FMN1: variants seen among roughly 807,000 people sequenced by gnomAD.
FMN1 encodes the protein formin 1.
FMN1 carries 110 observed loss-of-function variants against 132.4 expected under a neutral mutation model. The ratio of observed to expected loss-of-function variants is 0.83; its 90% confidence interval spans 0.71 to 0.97. The LOEUF (loss-of-function observed/expected upper bound fraction) is 0.97. Ranked by LOEUF, FMN1 falls within the 50% of genes least tolerant of loss-of-function variation. The probability of loss-of-function intolerance (pLI) is 0.00; values close to 1 mark genes in which losing one functional copy is unlikely to be tolerated. For missense variants in FMN1, 1,792 were observed against 1,705.3 expected (o/e 1.05, Z -0.90); for synonymous variants, 722 against 651.7 (o/e 1.11, Z -1.64).
intron 7 of FMN1, among the ~76,000 whole-genome samples, chr15:32,983,393 T>C (rs2032833665): frequency 1.3e-5 from 2 of 152,184 alleles, no homozygotes; most frequent in South Asian, 4.1e-4. Flanking sequence ...CACAGGGAAA[T>C]TGTTTACGGT....
intron 3 of FMN1, among the ~76,000 whole-genome samples, chr15:33,165,477 G>A (rs1398574166): frequency 2.0e-5 from 3 of 152,222 alleles, no homozygotes; most frequent in South Asian, 2.1e-4. Flanking sequence ...TGCAAGCTCC[G>A]CCTCCCGGGT....
intron 10 of FMN1, among the ~76,000 whole-genome samples, chr15:32,920,644 C>A (rs1319638591): frequency 6.6e-6 from 1 of 152,190 alleles, no homozygotes; most frequent in Non-Finnish European, 1.5e-5. Context: ...ACACTCAAAT[C>A]ATCCAAAACA....
chr15:32,889,372 CCT>C (rs1296795308), intron 15 of FMN1, among the ~76,000 whole-genome samples: 1 of 152,102 alleles, frequency 6.6e-6, no homozygotes, highest in African/African-American at 2.4e-5. Flanking sequence ...TTCAATTATT[CCT>C]CTCTCTGCAC....
chr15:32,938,721 C>A (rs2061335285), intron 9 of FMN1, among the ~76,000 whole-genome samples: 1 of 152,160 alleles, frequency 6.6e-6, no homozygotes, highest in African/African-American at 2.4e-5. Flanking sequence ...TATTTGAGAG[C>A]AACTGTTTTT....
intron 10 of FMN1, among the ~76,000 whole-genome samples, chr15:32,925,196 T>G (rs1596286201): frequency 6.6e-6 from 1 of 152,082 alleles, no homozygotes; most frequent in African/African-American, 2.4e-5. Context: ...AAGGAAAGTA[T>G]TCCTCCCTAG....
intron 5 of FMN1, chr15:33,067,310 A>C: frequency 6.2e-7 from 1 of 1,613,934 alleles, no homozygotes; most frequent in Non-Finnish European, 8.5e-7. Context: ...TTCCCCAGTG[A>C]CAGTATTTTC....
At chr15:32,995,114 G>C (rs1367381216) in intron 7 of FMN1, among the ~76,000 whole-genome samples, 1 of 150,962 alleles carries the variant, frequency 6.6e-6, no homozygotes, top group African/African-American at 2.5e-5. Flanking sequence ...ATATATATAT[G>C]TATATATGCA....
At chr15:32,831,259 A>G (rs2058494145) in intron 17 of FMN1, among the ~76,000 whole-genome samples, 1 of 152,006 alleles carries the variant, frequency 6.6e-6, no homozygotes, top group Admixed American at 6.6e-5. Context: ...CGCTGTGTCA[A>G]CCAGGCTGGA....
intron 19 of FMN1, among the ~76,000 whole-genome samples, chr15:32,797,032 C>A (rs1322515080): frequency 2.0e-5 from 3 of 152,094 alleles, no homozygotes; most frequent in Admixed American, 1.3e-4. Flanking sequence ...GTGAAGCAGG[C>A]AATTCAACAG....
At chr15:32,970,212 T>C (rs931826072) in intron 7 of FMN1, among the ~76,000 whole-genome samples, 1 of 152,230 alleles carries the variant, frequency 6.6e-6, no homozygotes, top group Non-Finnish European at 1.5e-5. Context: ...AGTCTGTAAT[T>C]GTACACTTAT....
At position 32,798,770 on chromosome 15, in the gene FMN1, G is replaced by T. The variant is rs759166787; in HGVS notation, c.4130+34C>A. The T allele has an allele frequency of 1.2e-5, 19 of 1,578,472 alleles. No individual in the cohort carries two copies. The South Asian group carries it at 2.0e-4, about 16-fold the overall frequency. Reference sequence around the variant, plus strand: ...TAAGAGTGCAGTTTCCTAGGCTCCTGAAGGAGGCATTAAAATCTTTTTTTG... The same window carrying T: ...TAAGAGTGCAGTTTCCTAGGCTCCTTAAGGAGGCATTAAAATCTTTTTTTG... On this transcript the variant is annotated intron_variant, in intron 19 of 20. Coordinates refer to ENST00000616417, the MANE Select transcript of FMN1 (RefSeq NM_001277313.2).
chr15:32,884,829 C>T (rs1209004637), intron 16 of FMN1, among the ~76,000 whole-genome samples: 1 of 152,200 alleles, frequency 6.6e-6, no homozygotes, highest in African/African-American at 2.4e-5. Flanking sequence ...TCTCTCTTTA[C>T]AATGTAGAGA....
intron 4 of FMN1, among the ~76,000 whole-genome samples, chr15:33,102,240 G>A (rs556465925): frequency 6.6e-6 from 1 of 152,084 alleles, no homozygotes; most frequent in African/African-American, 2.4e-5. Flanking sequence ...GCAAGTTCCA[G>A]AAGCATTCAT....
At chr15:32,779,484 T>C (rs901505936) in intron 19 of FMN1, among the ~76,000 whole-genome samples, 1 of 152,102 alleles carries the variant, frequency 6.6e-6, no homozygotes, top group Non-Finnish European at 1.5e-5. Context: ...ATTGGTCTAG[T>C]TGGGTTTGGC....
At chr15:32,983,395 G>T (rs760825545) in intron 7 of FMN1, among the ~76,000 whole-genome samples, 2 of 152,144 alleles carry the variant, frequency 1.3e-5, no homozygotes, top group African/African-American at 2.4e-5. Context: ...CAGGGAAATT[G>T]TTTACGGTAA....
intron 17 of FMN1, among the ~76,000 whole-genome samples, chr15:32,811,393 G>A (rs1189607909): frequency 6.6e-6 from 1 of 152,166 alleles, no homozygotes; most frequent in African/African-American, 2.4e-5. Flanking sequence ...AAGACATGCT[G>A]TCAAGGTTCC....
chr15:32,968,789 G>A lies in FMN1; in HGVS notation c.2912C>T (p.Pro971Leu). ...ACTGGGCTCGATGGCTGGTTTTCGA[G>A]GACATTGACTGGAAGAAGAGCCAAG... Reference protein sequence around the residue: ...FGLGSSSSQCPRKPAIEPSCP... With the variant: ...FGLGSSSSQCLRKPAIEPSCP... Residue 971 changes from proline (P) to leucine (L), a missense_variant, in exon 8 of 21, where the codon CCT becomes CTT. Pro to Leu is a moderately conservative substitution (Grantham distance 98). Transcript: ENST00000616417. The A allele has an allele frequency of 1.2e-6, 2 of 1,613,044 alleles. No homozygotes were observed. Among genetic ancestry groups the A allele is most frequent in the South Asian group, 2.2e-5 (2 of 90,958 alleles).
chr15:33,020,188 G>A (rs2035340314), intron 6 of FMN1, among the ~76,000 whole-genome samples: 1 of 152,212 alleles, frequency 6.6e-6, no homozygotes, highest in African/African-American at 2.4e-5. Flanking sequence ...GCATCCGAAA[G>A]GGGGGCAGTC....
intron 4 of FMN1, among the ~76,000 whole-genome samples, chr15:33,121,467 G>C (rs1442149123): frequency 2.0e-5 from 3 of 152,108 alleles, no homozygotes; most frequent in African/African-American, 7.2e-5. Context: ...ATGATACAAA[G>C]GTAGAAATCA....
Sources: gnomAD v4.1 joint callset for allele counts (sites outside exome capture counted in the v4.1 genomes callset) on GRCh38, gnomAD v4.1.1 for gene constraint, MANE v1.5 for transcripts, NCBI Gene and HGNC (gene_info 2026-07-23, HGNC 2026-07-21) for gene names.